Variants in SULF2 observed in about 807,000 individuals in gnomAD.
SULF2 encodes the protein sulfatase 2, also known as extracellular sulfatase Sulf-2.
In SULF2, 52 loss-of-function variants were observed where a neutral mutation model predicts 107.7. The ratio of observed to expected loss-of-function variants is 0.48; its 90% CI spans 0.39 to 0.61. SULF2 has a LOEUF of 0.61. Among genes scored for constraint, SULF2 ranks in the 20% least tolerant of loss-of-function variants. The probability of loss-of-function intolerance (pLI) is 0.00; values close to 1 mark genes in which losing one functional copy is unlikely to be tolerated. For missense variants in SULF2, 993 were observed against 1,177.3 expected, an observed-to-expected ratio of 0.84 and a Z score of 2.29; for synonymous variants, 460 against 464.3, an observed-to-expected ratio of 0.99 and a Z score of 0.12.
At chr20:47,770,478 G>A (rs1470197539) in intron 1 of SULF2, among the ~76,000 whole-genome samples, 1 of 152,202 alleles carries the variant, frequency 6.6e-6, no homozygotes, top group Admixed American at 6.5e-5. Context: ...AGGGGCAAGA[G>A]GTGGACGGTT....
chr20:47,676,915 G>A (rs867846844), intron 9 of SULF2, among the ~76,000 whole-genome samples, 163 bp downstream of exon 9: 2 of 152,248 alleles, frequency 1.3e-5, no homozygotes, highest in Non-Finnish European at 2.9e-5. Context: ...CCCCAATTCT[G>A]TGTCTATAGG....
At chr20:47,738,497 T>G (rs2089799856) in intron 2 of SULF2, among the ~76,000 whole-genome samples, 1 of 152,158 alleles carries the variant, frequency 6.6e-6, no homozygotes, top group South Asian at 2.1e-4. Flanking sequence ...GTGATATGGT[T>G]TGGCTGTGTC....
intron 1 of SULF2, among the ~76,000 whole-genome samples, chr20:47,770,309 C>G (rs887194888): frequency 2.0e-5 from 3 of 152,058 alleles, no homozygotes; most frequent in Non-Finnish European, 4.4e-5. Flanking sequence ...AATCCTCTCA[C>G]CTCAGCCTCC....
chr20:47,704,150 A>C (rs1382644170), intron 3 of SULF2, among the ~76,000 whole-genome samples: 4 of 152,240 alleles, frequency 2.6e-5, no homozygotes, highest in Non-Finnish European at 5.9e-5. Context: ...TGCACGCTTT[A>C]CATCAACAAC....
At position 47,770,053 on chromosome 20, in the gene SULF2, G is replaced by GTTTTTTT. The variant is rs56786760; in HGVS notation, c.-100-12597_-100-12591dup. ...CTTGCGGGTGATGTGATCTGGTGTAGTTTTTTTTTTTTTTTTTTTTTTTTT... is the reference window on the plus strand; with the variant it reads ...CTTGCGGGTGATGTGATCTGGTGTAGTTTTTTTTTTTTTTTTTTTTTTTTTTTTTTTT... On this transcript the variant is annotated intron_variant, in intron 1 of 20. Coordinates refer to ENST00000688720, the MANE Select transcript of SULF2 (RefSeq NM_001387048.1). Among the ~76,000 whole-genome samples the GTTTTTTT allele has an allele frequency of 5.1e-4, 32 of 63,116 alleles. 3 individuals are homozygous for GTTTTTTT. Among genetic ancestry groups the GTTTTTTT allele is most frequent in the African/African-American group, 1.5e-3 (21 of 13,898 alleles). The allele number at this position is 63,116 out of a possible 152,430, so 41.4% of individuals were successfully genotyped here.
chr20:47,781,205 G>T (rs1489662971), intron 1 of SULF2, among the ~76,000 whole-genome samples: 1 of 152,258 alleles, frequency 6.6e-6, no homozygotes, highest in South Asian at 2.1e-4. Flanking sequence ...GAGAGGCATT[G>T]CCCAGGCAGC....
At chr20:47,695,338 T>C (rs1328290685) in intron 4 of SULF2, among the ~76,000 whole-genome samples, 1 of 152,206 alleles carries the variant, frequency 6.6e-6, no homozygotes, top group Admixed American at 6.5e-5. Flanking sequence ...ATCTGTGAAG[T>C]AGAGTACTGT....
At chr20:47,703,908 C>A (rs2088646262) in intron 3 of SULF2, among the ~76,000 whole-genome samples, 1 of 152,152 alleles carries the variant, frequency 6.6e-6, no homozygotes, top group South Asian at 2.1e-4. Flanking sequence ...AAACCAGATA[C>A]AAAAGAATAC....
In SULF2 at chr20:47,666,624, G is replaced by A. The variant is rs538454041; in HGVS notation, c.1577-136C>T. ...AGCTTTGCCTGCGACTCGAGGGGTC[G>A]TGGAATCTACCCGCCTGCTCGCAGA... On this transcript the variant is annotated intron_variant, in intron 11 of 20. Transcript: ENST00000688720. This position sits in a 1 kb window ranked among gnomAD's most constrained non-coding sequence, Gnocchi z 5.4. 6 of 699,790 alleles carry A rather than the reference G, an allele frequency of 8.6e-6. No individual in the cohort carries two copies. In the East Asian group the frequency reaches 1.3e-4, roughly 16 times the overall value. The allele number at this position is 699,790 out of a possible 1,614,324, so 43.3% of individuals were successfully genotyped here. A position where few individuals can be genotyped will look rare whatever the true frequency, so the allele number is the denominator to read the frequency against.
intron 4 of SULF2, 134 bp downstream of exon 4, chr20:47,702,385 T>C: frequency 1.1e-6 from 1 of 937,918 alleles, no homozygotes; most frequent in African/African-American, 1.7e-5. Flanking sequence ...GAGGAGGAGG[T>C]GTATGTAAAA....
chr20:47,724,449 C>T (rs2150809), intron 3 of SULF2, among the ~76,000 whole-genome samples: 44,441 of 152,086 alleles, frequency 0.29, 7,511 homozygotes, highest in Non-Finnish European at 0.4. Context: ...CAGGGCCAGG[C>T]GGAGCTCTGG....
chr20:47,720,459 T>C (rs998185466), intron 3 of SULF2, among the ~76,000 whole-genome samples: 54 of 152,202 alleles, frequency 3.5e-4, no homozygotes, highest in African/African-American at 1.3e-3. Context: ...GGTTTCACCA[T>C]GTTGGCCAGG....
chr20:47,738,604 C>A (rs962574217), intron 2 of SULF2, among the ~76,000 whole-genome samples: 1 of 152,114 alleles, frequency 6.6e-6, no homozygotes, highest in Non-Finnish European at 1.5e-5. Flanking sequence ...GGTTGTTTCC[C>A]CCATACTGTT....
At chr20:47,710,887 G>A (rs1390630980) in intron 3 of SULF2, among the ~76,000 whole-genome samples, 8 of 152,268 alleles carry the variant, frequency 5.3e-5, no homozygotes, top group South Asian at 4.2e-4. Flanking sequence ...CCTGGGGAAC[G>A]ATTCGGAGCC....
chr20:47,745,012 C>T (rs904118709), intron 2 of SULF2, among the ~76,000 whole-genome samples: 1 of 152,036 alleles, frequency 6.6e-6, no homozygotes, highest in Non-Finnish European at 1.5e-5. Flanking sequence ...GGTCCTTTTT[C>T]ATCTGTAGAC....
intron 11 of SULF2, among the ~76,000 whole-genome samples, chr20:47,668,661 C>T (rs1054418737): frequency 2.4e-4 from 37 of 152,338 alleles, no homozygotes; most frequent in African/African-American, 7.9e-4. Flanking sequence ...TGGCACGAAA[C>T]GGAACTAGTG....
chr20:47,672,482 T>C (rs2087511553), intron 10 of SULF2, 89 bp from the exon 11 acceptor site: 1 of 1,453,488 alleles, frequency 6.9e-7, no homozygotes. Context: ...CCTGGAGACA[T>C]CCCTCTCCCT....
At chr20:47,714,789 C>T (rs1226047806) in intron 3 of SULF2, among the ~76,000 whole-genome samples, 2 of 152,212 alleles carry the variant, frequency 1.3e-5, no homozygotes, top group African/African-American at 2.4e-5. Flanking sequence ...TCCCTCTATC[C>T]TACCAGCACC....
intron 10 of SULF2, among the ~76,000 whole-genome samples, chr20:47,675,597 C>A (rs1014309619): frequency 2.0e-5 from 3 of 152,280 alleles, no homozygotes; most frequent in African/African-American, 7.2e-5. Flanking sequence ...TACCAGGGCC[C>A]TGGTTTTGCT....
Sources: allele counts gnomAD v4.1 joint callset (sites outside exome capture counted in the v4.1 genomes callset), GRCh38; gene constraint gnomAD v4.1.1; non-coding constraint Gnocchi (gnomAD v3.1); transcripts MANE v1.5; gene names NCBI Gene and HGNC (gene_info 2026-07-23, HGNC 2026-07-21).